Variants in LARS1 observed in about 807,000 individuals in gnomAD.
The protein encoded by LARS1 is leucyl-tRNA synthetase 1, also known as leucine--tRNA ligase, cytoplasmic.
Under a neutral mutation model 162.8 loss-of-function variants are expected in LARS1, and 100 were observed. The ratio of observed to expected loss-of-function variants is 0.61; its 90% CI spans 0.52 to 0.73. The LOEUF is 0.73. Among genes scored for constraint, LARS1 ranks in the 30% least tolerant of loss-of-function variants. The pLI, the probability that LARS1 is intolerant of heterozygous loss-of-function variation, is 0.00. For synonymous variants in LARS1, 457 were observed against 462.8 expected, an observed-to-expected ratio of 0.99 and a Z score of 0.16; for missense variants, 1,258 against 1,408.9, an observed-to-expected ratio of 0.89 and a Z score of 1.71.
intron 5 of LARS1, among the ~76,000 whole-genome samples, chr5:146,165,081 A>T (rs1158960122): frequency 3.9e-5 from 6 of 152,190 alleles, no homozygotes; most frequent in Non-Finnish European, 8.8e-5. Context: ...CACACCTGTA[A>T]TATCAGCACT....
chr5:146,170,549 G>A lies in LARS1; in HGVS notation c.294+1361C>T, dbSNP rs561118846. Among the ~76,000 whole-genome samples, 220 of 152,146 alleles carry A rather than the reference G, an allele frequency of 1.4e-3. 3 individuals are homozygous for A. The highest frequency in any genetic ancestry group is 5.2e-3 in the African/African-American group (217 of 41,528). ...ATTTGACTACAGATTAGATGAAGAC[G>A]ATAATATAACATCAATGTTGAATTT... On this transcript the variant is annotated intron_variant, in intron 4 of 31. Transcript: ENST00000394434.
In LARS1 at chr5:146,114,055, A is replaced by C. The variant is rs745446896; in HGVS notation, c.*51T>G. 1.5e-6 allele frequency: 2 copies of C among 1,377,192 alleles called. No homozygotes were observed. The highest frequency in any genetic ancestry group is 2.1e-6 in the Non-Finnish European group (2 of 966,472). The allele number at this position is 1,377,192 out of a possible 1,614,324, so 85.3% of individuals were successfully genotyped here. The stretch of plus-strand genomic sequence containing the variant: ...TGATAGCCAATCAGTAGACACAATC[A>C]GAGTAGTAGTATTCCTAAGAAACCA... On this transcript the variant is annotated 3_prime_UTR_variant, in exon 32 of 32. Transcript: ENST00000394434.
In LARS1 at chr5:146,166,114, C is replaced by G. The variant is rs555656941; in HGVS notation, c.433-1643G>C. ...GTGATACCCCCAGGCAATGAGCACACCCAGCATTCAGGCCATAGTTTCTGA... is the reference window on the plus strand; with the variant it reads ...GTGATACCCCCAGGCAATGAGCACAGCCAGCATTCAGGCCATAGTTTCTGA... On this transcript the variant is annotated intron_variant, in intron 5 of 31. Transcript: ENST00000394434. Among the ~76,000 whole-genome samples, 3 of 152,230 alleles carry G rather than the reference C, an allele frequency of 2.0e-5. No individual in the cohort carries two copies. The South Asian group carries it at 6.2e-4, about 32-fold the overall frequency.
chr5:146,130,770 A>C, intron 24 of LARS1: 1 of 318,590 alleles, frequency 3.1e-6, no homozygotes, highest in Non-Finnish European at 5.7e-6. Context: ...TTTAGATTTA[A>C]TCTCCTTTAT....
At chr5:146,180,386 T>C (rs929929167) in intron 1 of LARS1, among the ~76,000 whole-genome samples, 1 of 151,644 alleles carries the variant, frequency 6.6e-6, no homozygotes, top group Non-Finnish European at 1.5e-5. Context: ...ATACAAAAAT[T>C]AGCAGCGCAT....
At chr5:146,171,751 A>C (rs1052783563) in intron 4 of LARS1, among the ~76,000 whole-genome samples, 159 bp downstream of exon 4, 1 of 152,194 alleles carries the variant, frequency 6.6e-6, no homozygotes, top group African/African-American at 2.4e-5. Context: ...GCACTTCTTC[A>C]CATGTTGTTT....
At chr5:146,176,575 T>C (rs1754591173) in intron 2 of LARS1, among the ~76,000 whole-genome samples, 2 of 152,188 alleles carry the variant, frequency 1.3e-5, no homozygotes. Flanking sequence ...TTATTGTTGT[T>C]ACTATAACCG....
At chr5:146,138,426 A>G (rs1025459418) in intron 21 of LARS1, 79 of 147,868 alleles carry the variant, frequency 5.3e-4, no homozygotes, top group East Asian at 7.9e-4. Context: ...TTAAAAAGGA[A>G]AAAAAAAAAA....
In LARS1 at chr5:146,133,100, A is replaced by T. The variant is rs201143128; in HGVS notation, c.2213-19T>A. ...CGCATTCCTGGAAGAAGAAAAAAAA[A>T]TTCAATGCATTAAAAATATGGTTAC... On this transcript the variant is annotated intron_variant, in intron 22 of 31. Coordinates refer to ENST00000394434, the MANE Select transcript of LARS1 (RefSeq NM_020117.11). The T allele has an allele frequency of 3.7e-6, 6 of 1,609,870 alleles. No individual in the cohort carries two copies. In the East Asian group the frequency reaches 1.3e-4, roughly 36 times the overall value.
rs1218367291 is a variant in LARS1 at position 146,137,341 on chromosome 5, T to C, written c.2149-1677A>G. Among the ~76,000 whole-genome samples, 44 of 141,738 alleles carry C rather than the reference T, an allele frequency of 3.1e-4. No individual in the cohort carries two copies. The Admixed American group carries it at 3.3e-3, about 11-fold the overall frequency. The allele number at this position is 141,738 out of a possible 152,430, so 93.0% of individuals were successfully genotyped here. On this transcript the variant is annotated intron_variant, in intron 21 of 31. Transcript: ENST00000394434. ...TATTAATGAGGAATAAATAATTTTG[T>C]ACTTTTTTTTTTAAGTCAAGTAGGG... is the stretch of plus-strand genomic sequence containing the variant.
At chr5:146,135,060 G>A (rs1262733033) in intron 22 of LARS1, among the ~76,000 whole-genome samples, 1 of 151,960 alleles carries the variant, frequency 6.6e-6, no homozygotes, top group East Asian at 1.9e-4. Context: ...AAGCTGGAGT[G>A]CAATGCAATC....
At chr5:146,148,736 G>GAA (rs34127596) in intron 15 of LARS1, among the ~76,000 whole-genome samples, 15 of 148,214 alleles carry the variant, frequency 1.0e-4, no homozygotes, top group Non-Finnish European at 9.0e-5. Flanking sequence ...ACCTAACCCT[G>GAA]AAAAAAAAAA....
At chr5:146,121,038 C>T (rs538020966) in intron 30 of LARS1, among the ~76,000 whole-genome samples, 1 of 152,194 alleles carries the variant, frequency 6.6e-6, no homozygotes, top group South Asian at 2.1e-4. Flanking sequence ...TTGTGAAAGA[C>T]TTAAATACAT....
At chr5:146,150,747 G>A (rs916296166) in intron 14 of LARS1, among the ~76,000 whole-genome samples, 1 of 151,558 alleles carries the variant, frequency 6.6e-6, no homozygotes, top group Non-Finnish European at 1.5e-5. Flanking sequence ...AGACCAGTCT[G>A]ACCAATATGG....
intron 30 of LARS1, 150 bp from the exon 31 acceptor site, chr5:146,120,653 CTGTACAAGCTCA>C: frequency 1.3e-6 from 1 of 758,322 alleles, no homozygotes; most frequent in Non-Finnish European, 2.0e-6. Flanking sequence ...GAAAGAAAAG[CTGTACAAGCTCA>C]TGCTTATAAC....
chr5:146,143,938 G>A (rs1157836243), intron 18 of LARS1, among the ~76,000 whole-genome samples: 3 of 152,118 alleles, frequency 2.0e-5, no homozygotes, highest in Non-Finnish European at 4.4e-5. Context: ...GGAGGCAGAG[G>A]TTGCAGTGAG....
intron 29 of LARS1, 129 bp from the exon 30 acceptor site, chr5:146,122,716 A>AT (rs1751880749): frequency 6.8e-6 from 3 of 440,958 alleles, no homozygotes; most frequent in Non-Finnish European, 4.1e-6. Flanking sequence ...CAATTTTATT[A>AT]TTTTCCATAT....
chr5:146,142,697 GGAT>G, intron 20 of LARS1, 172 bp downstream of exon 20: 1 of 553,052 alleles, frequency 1.8e-6, no homozygotes, highest in South Asian at 2.5e-5. Flanking sequence ...GTGGATTTCT[GGAT>G]GTAAGAGATA....
chr5:146,149,004 G>T (rs1412761779), intron 15 of LARS1, among the ~76,000 whole-genome samples: 1 of 152,156 alleles, frequency 6.6e-6, no homozygotes, highest in African/African-American at 2.4e-5. Context: ...GAACCCAGGA[G>T]GTGGAGGTTG....
Sources: allele counts gnomAD v4.1 joint callset (sites outside exome capture counted in the v4.1 genomes callset), GRCh38; gene constraint gnomAD v4.1.1; transcripts MANE v1.5; gene names NCBI Gene and HGNC (gene_info 2026-07-23, HGNC 2026-07-21).